HIBCH: variants seen among roughly 807,000 people sequenced by gnomAD.
The protein encoded by HIBCH is 3-hydroxyisobutyryl-CoA hydrolase, also known as 3-hydroxyisobutyryl-CoA hydrolase, mitochondrial.
A neutral mutation model predicts 58.2 loss-of-function variants in HIBCH; 50 were observed. The ratio of observed to expected loss-of-function variants is 0.86; its 90% CI spans 0.68 to 1.09. HIBCH has a LOEUF of 1.09. Ranked by LOEUF, HIBCH falls within the 50% of genes least tolerant of loss-of-function variation. HIBCH has a pLI of 0.00. For synonymous variants in HIBCH, 151 were observed against 146.9 expected (o/e 1.03, Z -0.20); for missense variants, 450 against 449.7 (o/e 1.00, Z -0.01).
At chr2:190,219,552 C>A (rs1017029402) in intron 11 of HIBCH, among the ~76,000 whole-genome samples, 7 of 152,164 alleles carry the variant, frequency 4.6e-5, no homozygotes, top group Admixed American at 2.6e-4. Flanking sequence ...GCCTGCCCAG[C>A]AACTTAGGTC....
intron 9 of HIBCH, among the ~76,000 whole-genome samples, chr2:190,247,373 C>G (rs1686640506): frequency 6.6e-6 from 1 of 152,162 alleles, no homozygotes; most frequent in Admixed American, 6.5e-5. Flanking sequence ...CATATTTACT[C>G]AATTCGACAA....
chr2:190,273,219 C>T (rs1451489196), intron 6 of HIBCH, among the ~76,000 whole-genome samples: 2 of 151,954 alleles, frequency 1.3e-5, no homozygotes, highest in African/African-American at 4.8e-5. Context: ...ATGGTGAAAC[C>T]TCAACTCTAT....
At chr2:190,282,737 GCC>G (rs1284426964) in intron 6 of HIBCH, among the ~76,000 whole-genome samples, 2 of 151,578 alleles carry the variant, frequency 1.3e-5, no homozygotes, top group Admixed American at 6.6e-5. Context: ...TTCACTTCCA[GCC>G]TGTTGTTTAC....
chr2:190,211,988 C>T lies in HIBCH; in HGVS notation c.1011+968G>A, dbSNP rs926779422. ...AGTGCAGGCACTGGAGTAAGACTGCCTGGTTTCATATGCCATATCTCTGTC... is the reference window on the plus strand; with the variant it reads ...AGTGCAGGCACTGGAGTAAGACTGCTTGGTTTCATATGCCATATCTCTGTC... On this transcript the variant is annotated intron_variant, in intron 12 of 13. Coordinates refer to ENST00000359678, the MANE Select transcript of HIBCH (RefSeq NM_014362.4). The surrounding 1 kb of genome is among the most constrained non-coding windows in gnomAD (Gnocchi z 5.0). Among the ~76,000 whole-genome samples the T allele has an allele frequency of 1.3e-5, 2 of 152,158 alleles. No homozygotes were observed. Among genetic ancestry groups the T allele is most frequent in the African/African-American group, 4.8e-5 (2 of 41,444 alleles).
chr2:190,240,059 T>C (rs1686407020), intron 11 of HIBCH, among the ~76,000 whole-genome samples: 2 of 152,170 alleles, frequency 1.3e-5, no homozygotes, highest in African/African-American at 2.4e-5. Flanking sequence ...CTTTGGAATA[T>C]TTTCAGAAGG....
In HIBCH at chr2:190,223,067, A is replaced by ACTTAT. The variant is rs551915413; in HGVS notation, c.892-9993_892-9992insATAAG. The stretch of plus-strand genomic sequence containing the variant: ...GTTCTCACTCATAAGTGGGAGTTGA[A>ACTTAT]CAATAAGAACACATGGACACAGGGA... On this transcript the variant is annotated intron_variant, in intron 11 of 13. Transcript: ENST00000359678. Among the ~76,000 whole-genome samples, 31 of 152,338 alleles carry ACTTAT rather than the reference A, an allele frequency of 2.0e-4. 1 individual carries two copies. The East Asian group carries it at 6.0e-3, about 29-fold the overall frequency.
In HIBCH at chr2:190,267,457, A is replaced by G. The variant is rs1052155879; in HGVS notation, c.439-6223T>C. Among the ~76,000 whole-genome samples the G allele has an allele frequency of 5.3e-5, 8 of 152,146 alleles. No homozygotes were observed. The South Asian group carries it at 8.3e-4, about 16-fold the overall frequency. On this transcript the variant is annotated intron_variant, in intron 6 of 13. Coordinates refer to ENST00000359678, the MANE Select transcript of HIBCH (RefSeq NM_014362.4). ...GGTTATTCATCCACCTCGGCCTCCC[A>G]AAGTGCTGAGATTACAGGCATGAGT...
intron 4 of HIBCH, among the ~76,000 whole-genome samples, chr2:190,293,229 A>C (rs1373722566): frequency 1.3e-5 from 2 of 152,196 alleles, no homozygotes; most frequent in Non-Finnish European, 2.9e-5. Context: ...AGGCAGGCGG[A>C]TCGCCTGAGA....
At chr2:190,309,326 T>C (rs1688496377) in intron 2 of HIBCH, among the ~76,000 whole-genome samples, 2 of 152,184 alleles carry the variant, frequency 1.3e-5, no homozygotes, top group Admixed American at 1.3e-4. Flanking sequence ...GAAAATTAAC[T>C]GAGCTAACCC....
At chr2:190,205,776 G>C (rs1204257299) in intron 13 of HIBCH, among the ~76,000 whole-genome samples, 1 of 152,108 alleles carries the variant, frequency 6.6e-6, no homozygotes, top group Non-Finnish European at 1.5e-5. Context: ...AGGTTATCAT[G>C]AAACCGTCTA....
At chr2:190,229,844 A>AT (rs11418020) in intron 11 of HIBCH, among the ~76,000 whole-genome samples, 45,403 of 148,966 alleles carry the variant, frequency 0.3, 7,704 homozygotes, top group African/African-American at 0.45. Context: ...ATATGGCTGG[A>AT]TTTTTTTTTT....
At chr2:190,232,739 C>A (rs1248839125) in intron 11 of HIBCH, among the ~76,000 whole-genome samples, 4 of 151,968 alleles carry the variant, frequency 2.6e-5, no homozygotes, top group Non-Finnish European at 4.4e-5. Flanking sequence ...CAGGTGGATC[C>A]CGAGGTCAGG....
intron 7 of HIBCH, among the ~76,000 whole-genome samples, chr2:190,255,899 C>T (rs1036113942): frequency 2.6e-4 from 40 of 151,908 alleles, no homozygotes; most frequent in African/African-American, 9.2e-4. Context: ...TCACACTACC[C>T]GAGACTGAGT....
At chr2:190,314,616 T>C (rs1303198485) in intron 1 of HIBCH, among the ~76,000 whole-genome samples, 1 of 151,198 alleles carries the variant, frequency 6.6e-6, no homozygotes, top group Non-Finnish European at 1.5e-5. Flanking sequence ...GTAGCTGGGA[T>C]TGCAGGCATG....
chr2:190,228,557 AAG>A (rs1553497264), intron 11 of HIBCH, among the ~76,000 whole-genome samples: 6 of 151,720 alleles, frequency 4.0e-5, no homozygotes, highest in African/African-American at 4.8e-5. Context: ...ATTAAAAAAA[AAG>A]AGAGAGAGAG....
chr2:190,268,376 CAATGTT>C (rs1687299832), intron 6 of HIBCH, among the ~76,000 whole-genome samples: 1 of 152,150 alleles, frequency 6.6e-6, no homozygotes. Context: ...CTACTATAAA[CAATGTT>C]AATATGGACA....
intron 8 of HIBCH, chr2:190,251,539 G>A (rs895294809): frequency 2.2e-6 from 1 of 450,688 alleles, no homozygotes; most frequent in African/African-American, 2.1e-5. Context: ...CAACTACTAT[G>A]TAATAGTGTC....
chr2:190,218,776 G>A (rs954151773), intron 11 of HIBCH, among the ~76,000 whole-genome samples: 1 of 152,336 alleles, frequency 6.6e-6, no homozygotes, highest in African/African-American at 2.4e-5. Flanking sequence ...GGACAGGGAT[G>A]CATGGGGAAA....
chr2:190,312,678 AAAAG>A (rs1280360934), intron 1 of HIBCH, among the ~76,000 whole-genome samples: 1 of 152,256 alleles, frequency 6.6e-6, no homozygotes, highest in African/African-American at 2.4e-5. Flanking sequence ...AATACTATAC[AAAAG>A]AGAGAAACAA....
Sources: gnomAD v4.1 joint callset for allele counts (sites outside exome capture counted in the v4.1 genomes callset) on GRCh38, gnomAD v4.1.1 for gene constraint, Gnocchi (gnomAD v3.1) non-coding constraint, MANE v1.5 for transcripts, NCBI Gene and HGNC (gene_info 2026-07-23, HGNC 2026-07-21) for gene names.